SLC12A8: variants seen among roughly 807,000 people sequenced by gnomAD.
SLC12A8 encodes solute carrier family 12 member 8.
SLC12A8 carries 69 observed loss-of-function variants against 75.6 expected under a neutral mutation model. The ratio of observed to expected loss-of-function variants is 0.91; its 90% CI spans 0.75 to 1.11. The LOEUF is 1.11. SLC12A8 is among the 50% of genes most tolerant of loss of function. SLC12A8 has a pLI of 0.00. For missense variants in SLC12A8, 877 were observed against 896.7 expected (o/e 0.98, Z 0.28); for synonymous variants, 365 against 372.8 (o/e 0.98, Z 0.24).
chr3:125,092,748 C>T (rs1579462393), intron 10 of SLC12A8, among the ~76,000 whole-genome samples: 1 of 152,168 alleles, frequency 6.6e-6, no homozygotes, highest in African/African-American at 2.4e-5. Context: ...GGGAAAGGGG[C>T]CTGGCAATAA....
chr3:125,201,736 T>C (rs1410465840), intron 2 of SLC12A8, among the ~76,000 whole-genome samples: 1 of 148,028 alleles, frequency 6.8e-6, no homozygotes, highest in South Asian at 2.1e-4. Flanking sequence ...GCATCAAAGC[T>C]TAAATAGGTA....
chr3:125,135,807 C>G, intron 5 of SLC12A8, 25 bp from the exon 6 acceptor site: 1 of 1,398,642 alleles, frequency 7.1e-7, no homozygotes. Context: ...TGGAGAGCAA[C>G]GTAAGCCCAG....
At chr3:125,159,432 G>T (rs1934117129) in intron 5 of SLC12A8, among the ~76,000 whole-genome samples, 1 of 152,056 alleles carries the variant, frequency 6.6e-6, no homozygotes, top group South Asian at 2.1e-4. Flanking sequence ...CATAAGAATG[G>T]GGAAAACAGT....
chr3:125,121,384 G>A lies in SLC12A8; in HGVS notation c.737-698C>T, dbSNP rs764932931. Among the ~76,000 whole-genome samples, 23 of 152,186 alleles carry A rather than the reference G, an allele frequency of 1.5e-4. No individual in the cohort carries two copies. The East Asian group carries it at 1.7e-3, about 11-fold the overall frequency. On this transcript the variant is annotated intron_variant, in intron 6 of 13. Transcript: ENST00000469902. ...AACAAGACAGGGTGTTCTGAACATCGGATGAGGATCCAGCCCACAAGTGCC... is the reference window on the plus strand; with the variant it reads ...AACAAGACAGGGTGTTCTGAACATCAGATGAGGATCCAGCCCACAAGTGCC...
chr3:125,206,364 G>A (rs528058488), intron 2 of SLC12A8, among the ~76,000 whole-genome samples: 2 of 152,156 alleles, frequency 1.3e-5, no homozygotes, highest in African/African-American at 2.4e-5. Flanking sequence ...CAATATTTAC[G>A]TCCTCCTGGA....
At chr3:125,122,199 T>C (rs1933077392) in intron 6 of SLC12A8, among the ~76,000 whole-genome samples, 1 of 152,176 alleles carries the variant, frequency 6.6e-6, no homozygotes, top group African/African-American at 2.4e-5. Flanking sequence ...TAAAAATATA[T>C]AGAAAAAGGA....
intron 5 of SLC12A8, among the ~76,000 whole-genome samples, chr3:125,168,757 T>C (rs1252551669): frequency 1.3e-5 from 2 of 152,186 alleles, no homozygotes; most frequent in Non-Finnish European, 2.9e-5. Flanking sequence ...GATAAAGGAA[T>C]CTCAGCAGAC....
intron 8 of SLC12A8, among the ~76,000 whole-genome samples, chr3:125,115,392 A>T (rs1939284484): frequency 6.6e-6 from 1 of 152,126 alleles, no homozygotes; most frequent in Non-Finnish European, 1.5e-5. Flanking sequence ...GCATGGTGGC[A>T]TGTGCCTGTA....
rs764634653 is a variant in SLC12A8 at position 125,107,884 on chromosome 3, G to C, written c.1302C>G (p.Leu434=). 4 of 1,614,190 alleles carry C rather than the reference G, an allele frequency of 2.5e-6. No homozygotes were observed. The highest frequency in any genetic ancestry group is 1.1e-5 in the South Asian group (1 of 91,078). The change falls in exon 10 of 14, where the codon CTC becomes CTG. Residue 434 remains leucine (L), a synonymous_variant. Transcript: ENST00000469902. ...AGCCGTAACTGGGAGCTTTCTCTAA[G>C]AGCAGGTGCTCAGAGCAGTGGAGGC... is the stretch of plus-strand genomic sequence containing the variant. ...AEGLHCSEHL[L]LEKAPSYGSE...
chr3:125,172,907 A>C (rs1267222172), intron 5 of SLC12A8, among the ~76,000 whole-genome samples: 1 of 152,210 alleles, frequency 6.6e-6, no homozygotes, highest in African/African-American at 2.4e-5. Flanking sequence ...GGTCAGGCGC[A>C]GTGGCTCACA....
chr3:125,091,326 G>A (rs1579461183), intron 12 of SLC12A8, 113 bp downstream of exon 12: 2 of 699,684 alleles, frequency 2.9e-6, no homozygotes, highest in East Asian at 5.1e-5. Context: ...ATTTGAAAAT[G>A]GGATTCACAT....
chr3:125,207,912 A>T lies in SLC12A8; in HGVS notation c.51+3387T>A, dbSNP rs151106482. Among the ~76,000 whole-genome samples the T allele has an allele frequency of 6.0e-3, 917 of 152,350 alleles. 5 individuals are homozygous for T. The highest frequency in any genetic ancestry group is 0.014 in the Middle Eastern group (4 of 294). ...CATTTTACTTAGTGCTTGTCATGAG[A>T]GAGGCACTGGCCCAGACCCTTCCAC... On this transcript the variant is annotated intron_variant, in intron 2 of 13. Transcript: ENST00000469902.
chr3:125,196,410 T>A (rs1015436008), intron 2 of SLC12A8, among the ~76,000 whole-genome samples: 1 of 152,248 alleles, frequency 6.6e-6, no homozygotes, highest in African/African-American at 2.4e-5. Context: ...CAATTCTAAA[T>A]CTGCTTTCTG....
chr3:125,191,339 T>C lies in SLC12A8; in HGVS notation c.52-818A>G, dbSNP rs544957408. On this transcript the variant is annotated intron_variant, in intron 2 of 13. Transcript: ENST00000469902. ...ACTAAAAAAACCATAACTTCGTGGA[T>C]ATACTAAAATGATCTTAAACAAAAC... Among the ~76,000 whole-genome samples the C allele has an allele frequency of 7.9e-5, 12 of 152,352 alleles. No homozygotes were observed. In the South Asian group the frequency reaches 2.5e-3, roughly 32 times the overall value.
chr3:125,172,524 A>T (rs1934428146), intron 5 of SLC12A8, among the ~76,000 whole-genome samples: 1 of 152,210 alleles, frequency 6.6e-6, no homozygotes, highest in Non-Finnish European at 1.5e-5. Flanking sequence ...ACAGACCCTG[A>T]GGACATCTGA....
At chr3:125,196,630 A>G (rs1333549056) in intron 2 of SLC12A8, among the ~76,000 whole-genome samples, 2 of 152,160 alleles carry the variant, frequency 1.3e-5, no homozygotes, top group Non-Finnish European at 2.9e-5. Context: ...CCCTCTGCCC[A>G]CTTAAAGTGT....
chr3:125,170,562 G>C (rs1234380806), intron 5 of SLC12A8, among the ~76,000 whole-genome samples: 2 of 152,200 alleles, frequency 1.3e-5, no homozygotes, highest in African/African-American at 2.4e-5. Flanking sequence ...TTTACAAAGA[G>C]CTGTGCTGTG....
intron 5 of SLC12A8, among the ~76,000 whole-genome samples, chr3:125,163,673 A>G (rs1329831801): frequency 1.3e-5 from 2 of 152,238 alleles, no homozygotes; most frequent in African/African-American, 4.8e-5. Flanking sequence ...TGTGGCCACA[A>G]ATTCCAGCAG....
chr3:125,175,387 A>G (rs565428343), intron 5 of SLC12A8, among the ~76,000 whole-genome samples: 28 of 152,336 alleles, frequency 1.8e-4, no homozygotes, highest in African/African-American at 6.7e-4. Context: ...GATACCAAAA[A>G]CAGATTCTTG....
Sources: allele counts gnomAD v4.1 joint callset (sites outside exome capture counted in the v4.1 genomes callset), GRCh38; gene constraint gnomAD v4.1.1; transcripts MANE v1.5; gene names NCBI Gene and HGNC (gene_info 2026-07-23, HGNC 2026-07-21).